BRSK2: variants seen among roughly 807,000 people sequenced by gnomAD.
BRSK2 encodes BR serine/threonine kinase 2.
Under a neutral mutation model 83.3 loss-of-function variants are expected in BRSK2, and 19 were observed. The ratio of observed to expected loss-of-function variants is 0.23; its 90% CI spans 0.16 to 0.33. BRSK2 has a LOEUF of 0.33. Among genes scored for constraint, BRSK2 ranks in the 10% least tolerant of loss-of-function variants. The pLI is 1.00. For synonymous variants in BRSK2, 519 were observed against 435.4 expected (o/e 1.19, Z -2.39); for missense variants, 798 against 1,042.3 (o/e 0.77, Z 3.23).
intron 1 of BRSK2, among the ~76,000 whole-genome samples, chr11:1,412,963 G>T (rs1398319298): frequency 6.6e-6 from 1 of 152,170 alleles, no homozygotes; most frequent in Non-Finnish European, 1.5e-5. Flanking sequence ...GACTGCTGTA[G>T]GCCTGAGGGG....
At chr11:1,398,447 G>T (rs562405656) in intron 1 of BRSK2, among the ~76,000 whole-genome samples, 59 of 152,294 alleles carry the variant, frequency 3.9e-4, no homozygotes, top group Middle Eastern at 3.4e-3. Context: ...TGGTGGCCAG[G>T]GTGGCCATGT....
In BRSK2 at chr11:1,445,785, G is replaced by A. The variant is rs370018765; in HGVS notation, c.1104G>A (p.Pro368=). ...CTCCCCGGAAGCGTGTGGACTCCCCGATGCTGAACCGGCACGGCAAGCGGC... is the reference window on the plus strand; with the variant it reads ...CTCCCCGGAAGCGTGTGGACTCCCCAATGCTGAACCGGCACGGCAAGCGGC... The part of the protein sequence containing the change: ...IDPPRKRVDS[P]MLNRHGKRRP... Residue 368 remains proline (P), a synonymous_variant, in exon 12 of 20, where the codon CCG becomes CCA. Coordinates refer to ENST00000528841, the MANE Select transcript of BRSK2 (RefSeq NM_001256627.2). The A allele has an allele frequency of 1.3e-4, 209 of 1,612,250 alleles. No homozygotes were observed. Among genetic ancestry groups the A allele is most frequent in the Non-Finnish European group, 1.6e-4 (186 of 1,179,626 alleles).
rs1480584784 is a variant in BRSK2, at chr11:1,456,373, T to C, written c.1694T>C (p.Ile565Thr). Reference sequence around the variant, plus strand: ...ATTCCCAGTCTCAGCCACAGCGTCATCTCCCAAACGAGCTTCCGGGCCGAG... The same window carrying C: ...ATTCCCAGTCTCAGCCACAGCGTCACCTCCCAAACGAGCTTCCGGGCCGAG... ...LSIPSLSHSV[I>T]SQTSFRAEYK... Residue 565 changes from isoleucine (I) to threonine (T), a missense_variant, in exon 17 of 20, where the codon ATC becomes ACC. By Grantham distance (89) the Ile-to-Thr change is moderately conservative. Transcript: ENST00000528841. 15 of 1,583,510 alleles carry C rather than the reference T, an allele frequency of 9.5e-6. No individual in the cohort carries two copies. Among genetic ancestry groups the C allele is most frequent in the African/African-American group, 1.4e-5 (1 of 74,028 alleles).
At chr11:1,450,285 C>T (rs1182093761) in intron 13 of BRSK2, among the ~76,000 whole-genome samples, 1 of 152,010 alleles carries the variant, frequency 6.6e-6, no homozygotes, top group Admixed American at 6.5e-5. Context: ...CGCCCCCTGG[C>T]CACCTCCACG....
In BRSK2 at chr11:1,390,696, C is replaced by G. The variant is rs1017701870; in HGVS notation, c.91+321C>G. Among the ~76,000 whole-genome samples the G allele has an allele frequency of 6.7e-6, 1 of 150,356 alleles. No individual in the cohort carries two copies. Among genetic ancestry groups the G allele is most frequent in the African/African-American group, 2.4e-5 (1 of 41,186 alleles). On this transcript the variant is annotated intron_variant, in intron 1 of 19. Transcript: ENST00000528841. The surrounding 1 kb of genome is among the most constrained non-coding windows in gnomAD (Gnocchi z 6.8). ...GCGCGGCCCGGGCCGCATTGTGCGC[C>G]CCAGCGACCGGGCCCATTGTGCCGC...
chr11:1,429,263 GT>G, intron 1 of BRSK2, among the ~76,000 whole-genome samples: 1 of 108,882 alleles, frequency 9.2e-6, no homozygotes, highest in Non-Finnish European at 1.7e-5. Flanking sequence ...GTGCACAGGT[GT>G]GTGTGCACTC....
rs745470431 is a variant in BRSK2 at position 1,454,439 on chromosome 11, C to T, written c.1545-46C>T. 62 of 1,606,414 alleles carry T rather than the reference C, an allele frequency of 3.9e-5. No individual in the cohort carries two copies. The highest frequency in any genetic ancestry group is 1.7e-4 in the Middle Eastern group (1 of 6,016). ...GATTCGAGGGAGGCAGGGGTGTGGA[C>T]GGTGCCACACCTCAATCCTCACAGC... On this transcript the variant is annotated intron_variant, in intron 15 of 19. Coordinates refer to ENST00000528841, the MANE Select transcript of BRSK2 (RefSeq NM_001256627.2). This position sits in a 1 kb window ranked among gnomAD's most constrained non-coding sequence, Gnocchi z 5.2.
At chr11:1,414,012 A>G (rs1260941976) in intron 1 of BRSK2, among the ~76,000 whole-genome samples, 1 of 152,262 alleles carries the variant, frequency 6.6e-6, no homozygotes, top group Non-Finnish European at 1.5e-5. Context: ...GGAAATAGTC[A>G]TGTGATCCCC....
At chr11:1,448,075 T>C (rs1416325062) in intron 12 of BRSK2, among the ~76,000 whole-genome samples, 2 of 152,084 alleles carry the variant, frequency 1.3e-5, no homozygotes, top group African/African-American at 4.8e-5. Flanking sequence ...CGCCTGCCTG[T>C]GAGGGACCAC....
At position 1,454,405 on chromosome 11, in the gene BRSK2, C is replaced by G; in HGVS notation, c.1545-80C>G. 1 of 1,549,018 alleles carries G rather than the reference C, an allele frequency of 6.5e-7. No individual in the cohort carries two copies. Among genetic ancestry groups the G allele is most frequent in the Non-Finnish European group, 8.9e-7 (1 of 1,128,854 alleles). On this transcript the variant is annotated intron_variant, in intron 15 of 19. Transcript: ENST00000528841. This position sits in a 1 kb window ranked among gnomAD's most constrained non-coding sequence, Gnocchi z 5.2. The stretch of plus-strand genomic sequence containing the variant: ...CGAAGCGATGGAAGATTCCGCCGTT[C>G]CAACCCCAGATTCGAGGGAGGCAGG...
rs1166369279 is a variant in BRSK2, at chr11:1,390,210, ACGCGGGCGGACGCTGGGCGGC to A, written c.-73_-53del. 3 of 806,588 alleles carry A rather than the reference ACGCGGGCGGACGCTGGGCGGC, an allele frequency of 3.7e-6. No individual in the cohort carries two copies. The highest frequency in any genetic ancestry group is 4.5e-6 in the Non-Finnish European group (3 of 669,684). 50.0% of individuals were successfully genotyped at this position (806,588 alleles called of 1,614,324 possible). ...GGTCGGCGCGGACGGCACTCGGCGG[ACGCGGGCGGACGCTGGGCGGC>A]CCCTCCCTGCCCGCGCGCCCGGGCG... On this transcript the variant is annotated 5_prime_UTR_variant, in exon 1 of 20. Coordinates refer to ENST00000528841, the MANE Select transcript of BRSK2 (RefSeq NM_001256627.2). This position sits in a 1 kb window ranked among gnomAD's most constrained non-coding sequence, Gnocchi z 6.8.
chr11:1,459,482 G>A (rs1180372508), intron 19 of BRSK2: 4 of 547,518 alleles, frequency 7.3e-6, no homozygotes, highest in African/African-American at 5.7e-5. Context: ...TAGGATCAGG[G>A]CAGGCCCAAG....
intron 18 of BRSK2, among the ~76,000 whole-genome samples, chr11:1,458,902 C>T (rs574480384): frequency 7.0e-4 from 106 of 152,262 alleles, no homozygotes; most frequent in African/African-American, 2.3e-3. Context: ...GGGCACCGGC[C>T]ATATCCAGGC....
intron 1 of BRSK2, among the ~76,000 whole-genome samples, chr11:1,425,117 G>A (rs566478045): frequency 2.2e-4 from 34 of 152,358 alleles, no homozygotes; most frequent in African/African-American, 7.9e-4. Flanking sequence ...GAAGCCTGAC[G>A]TCTGCATCGT....
chr11:1,442,611 G>A lies in BRSK2; in HGVS notation c.530+5G>A, dbSNP rs756935437. On this transcript the variant is annotated splice_donor_5th_base_variant and intron_variant, in intron 5 of 19. Coordinates refer to ENST00000528841, the MANE Select transcript of BRSK2 (RefSeq NM_001256627.2). ...CCTGTTGGAGACCAGCTGTGGGTAC[G>A]TGGCCCTCTGCCCTGGAGAGAGGCT... The A allele has an allele frequency of 1.9e-6, 3 of 1,605,324 alleles. No homozygotes were observed. Among genetic ancestry groups the A allele is most frequent in the South Asian group, 1.1e-5 (1 of 90,920 alleles).
At chr11:1,396,274 ACGTCCCCCACTCCTGGTCCCTCTTCCCTT>A (rs1846102363) in intron 1 of BRSK2, among the ~76,000 whole-genome samples, 2 of 87,672 alleles carry the variant, frequency 2.3e-5, no homozygotes, top group Admixed American at 1.2e-4. Flanking sequence ...CCTTCCACCC[ACGTCCCCCACTCCTGGTCCCTCTTCCCTT>A]ACAGCCGCCT....
intron 15 of BRSK2, 95 bp downstream of exon 15, chr11:1,451,514 C>A: frequency 1.5e-6 from 2 of 1,332,332 alleles, no homozygotes; most frequent in Non-Finnish European, 2.1e-6. Flanking sequence ...CGGGGTGCTC[C>A]TTCTCCACGT....
At chr11:1,408,129 T>C (rs1245214203) in intron 1 of BRSK2, among the ~76,000 whole-genome samples, 1 of 152,236 alleles carries the variant, frequency 6.6e-6, no homozygotes, top group Non-Finnish European at 1.5e-5. Context: ...ACTGTGAGGC[T>C]TATGGCGTGG....
chr11:1,390,339 T>C lies in BRSK2; in HGVS notation c.55T>C (p.Tyr19His). ...GCAGCACGCGCAGTATGTTGGGCCC[T>C]ACCGGCTGGAGAAGACGCTGGGCAA... ...GAQHAQYVGPYRLEKTLGKGQ... is the reference protein window; with the variant it reads ...GAQHAQYVGPHRLEKTLGKGQ... Residue 19 changes from tyrosine to histidine, a missense_variant, in exon 1 of 20, where the codon TAC becomes CAC. Transcript: ENST00000528841. The surrounding 1 kb of genome is among the most constrained non-coding windows in gnomAD (Gnocchi z 6.8). The C allele has an allele frequency of 9.6e-7, 1 of 1,042,086 alleles. No homozygotes were observed. The highest frequency in any genetic ancestry group is 1.2e-6 in the Non-Finnish European group (1 of 857,394). The allele number at this position is 1,042,086 out of a possible 1,614,324, so 64.6% of individuals were successfully genotyped here.
Sources: allele counts gnomAD v4.1 joint callset (sites outside exome capture counted in the v4.1 genomes callset), GRCh38; gene constraint gnomAD v4.1.1; non-coding constraint Gnocchi (gnomAD v3.1); transcripts MANE v1.5; gene names NCBI Gene and HGNC (gene_info 2026-07-23, HGNC 2026-07-21).